Variants in SETD2 observed in about 807,000 individuals in gnomAD.
The protein encoded by SETD2 is SET domain containing 2, histone lysine methyltransferase.
In SETD2, 31 loss-of-function variants were observed where a neutral mutation model predicts 242.1. The ratio of observed to expected loss-of-function variants is 0.13; its 90% CI spans 0.10 to 0.17. The LOEUF is 0.17. SETD2 is among the 10% of genes least tolerant of loss of function. SETD2 has a pLI of 1.00. For synonymous variants in SETD2, 1,006 were observed against 1,066.5 expected, an observed-to-expected ratio of 0.94 and a Z score of 1.11; for missense variants, 2,481 against 3,046.3, an observed-to-expected ratio of 0.81 and a Z score of 4.37.
intron 12 of SETD2, among the ~76,000 whole-genome samples, chr3:47,074,855 G>A (rs2040981661): frequency 6.6e-6 from 1 of 152,158 alleles, no homozygotes; most frequent in Non-Finnish European, 1.5e-5. Context: ...TCTGCAGTAG[G>A]CCGGGAACGG....
chr3:47,155,402 G>T (rs1461463544), intron 1 of SETD2, among the ~76,000 whole-genome samples: 1 of 152,126 alleles, frequency 6.6e-6, no homozygotes, highest in African/African-American at 2.4e-5. Flanking sequence ...AATATAGAAA[G>T]GTAATACAAA....
chr3:47,153,587 C>CA (rs962851525), intron 1 of SETD2, among the ~76,000 whole-genome samples: 11 of 151,728 alleles, frequency 7.2e-5, no homozygotes, highest in African/African-American at 2.4e-4. Context: ...CCTATCTCTA[C>CA]AAAAAAAATT....
At chr3:47,072,908 C>T (rs1393766923) in intron 12 of SETD2, among the ~76,000 whole-genome samples, 2 of 149,064 alleles carry the variant, frequency 1.3e-5, no homozygotes, top group Non-Finnish European at 3.0e-5. Context: ...GATCTTGCCA[C>T]TGCACTCCAG....
At chr3:47,040,383 T>C (rs2039224670) in intron 17 of SETD2, among the ~76,000 whole-genome samples, 1 of 152,024 alleles carries the variant, frequency 6.6e-6, no homozygotes, top group Admixed American at 6.6e-5. Flanking sequence ...GAAACAAAAC[T>C]CTTGATAAAG....
intron 1 of SETD2, among the ~76,000 whole-genome samples, chr3:47,160,498 C>A (rs1874265): frequency 2.2e-4 from 33 of 150,394 alleles, no homozygotes; most frequent in African/African-American, 7.4e-4. Flanking sequence ...TTAGTAGAGA[C>A]GAGGTTTCAC....
intron 3 of SETD2, chr3:47,119,712 C>CAGCATGAAGAAAGA (rs1308641917): frequency 2.3e-6 from 1 of 428,592 alleles, no homozygotes; most frequent in Non-Finnish European, 4.8e-6. Context: ...TCTTTTTCTT[C>CAGCATGAAGAAAGA]CCAGTCTCGG....
intron 5 of SETD2, among the ~76,000 whole-genome samples, chr3:47,107,726 GGGGT>G (rs1160492457): frequency 1.3e-3 from 29 of 21,570 alleles, no homozygotes; most frequent in African/African-American, 3.8e-3. Flanking sequence ...GTGGCGGGGG[GGGGT>G]GGGGGGGGGG....
chr3:47,106,657 CA>C (rs2042437039), intron 5 of SETD2, among the ~76,000 whole-genome samples: 1 of 150,838 alleles, frequency 6.6e-6, no homozygotes, highest in South Asian at 2.1e-4. Context: ...ACTAAAAATA[CA>C]AAAATTAGCC....
intron 5 of SETD2, among the ~76,000 whole-genome samples, chr3:47,107,719 GC>G (rs1159792800): frequency 5.5e-5 from 4 of 72,936 alleles, no homozygotes; most frequent in East Asian, 1.0e-3. Context: ...ACTTTGGGTG[GC>G]GGGGGGGGGT....
At chr3:47,130,708 G>T (rs2043456412) in intron 1 of SETD2, among the ~76,000 whole-genome samples, 1 of 151,908 alleles carries the variant, frequency 6.6e-6, no homozygotes, top group South Asian at 2.1e-4. Flanking sequence ...GTGAAAACAA[G>T]TATTTAACTC....
At chr3:47,075,590 A>T (rs2041036907) in intron 12 of SETD2, among the ~76,000 whole-genome samples, 1 of 144,098 alleles carries the variant, frequency 6.9e-6, no homozygotes, top group Non-Finnish European at 1.5e-5. Context: ...AAAAAAAAAG[A>T]AGAATCTAAA....
At position 47,056,844 on chromosome 3, in the gene SETD2, G is replaced by T. The variant is rs1269929027; in HGVS notation, c.6940C>A (p.Gln2314Lys). 2.5e-6 allele frequency: 4 copies of T among 1,613,656 alleles called. No homozygotes were observed. In the African/African-American group the frequency reaches 5.3e-5, roughly 22 times the overall value. The change falls in exon 15 of 21, where the codon CAG becomes AAG. Residue 2314 changes from glutamine (Q) to lysine (K), a missense_variant. By Grantham distance (53) the Gln-to-Lys change is moderately conservative. Transcript: ENST00000409792. The stretch of plus-strand genomic sequence containing the variant: ...ACCTGTACAATTGGTGGAGTTGTCT[G>T]TGAATAAGGTGATGTCACACCATAG... ...TVYGVTSPYS[Q>K]TTPPIVQSYA... is the part of the protein sequence containing the mutation.
intron 1 of SETD2, among the ~76,000 whole-genome samples, chr3:47,157,944 T>C (rs926163230): frequency 5.9e-5 from 9 of 152,010 alleles, no homozygotes; most frequent in Non-Finnish European, 1.3e-4. Flanking sequence ...ATAAAACCCT[T>C]TGCAGATGAT....
At chr3:47,116,560 T>C in intron 4 of SETD2, 63 bp downstream of exon 4, 1 of 1,508,110 alleles carries the variant, frequency 6.6e-7, no homozygotes, top group Non-Finnish European at 9.0e-7. Context: ...TCATTGATAA[T>C]TCAATATTTA....
intron 1 of SETD2, among the ~76,000 whole-genome samples, chr3:47,141,359 T>C (rs1008743805): frequency 6.6e-6 from 1 of 152,176 alleles, no homozygotes; most frequent in Non-Finnish European, 1.5e-5. Flanking sequence ...TAAGTACTTA[T>C]GTCAGCCTTC....
At position 47,057,206 on chromosome 3, in the gene SETD2, C is replaced by T. The variant is rs199893441; in HGVS notation, c.6578G>A (p.Ser2193Asn). 4 of 1,614,234 alleles carry T rather than the reference C, an allele frequency of 2.5e-6. No individual in the cohort carries two copies. The East Asian group carries it at 6.7e-5, about 27-fold the overall frequency. The change falls in exon 15 of 21, where the codon AGC becomes AAC. Residue 2193 changes from serine to asparagine, a missense_variant. This residue lies in a region of SETD2 where 235 missense variants were observed against 293.9 expected (regional missense o/e 0.80). Coordinates refer to ENST00000409792, the MANE Select transcript of SETD2 (RefSeq NM_014159.7). ...AGCAGGAGAACACACTGGGTCCATG[C>T]TGGGTGTGGGCAGGAGCACCTTTCC... The part of the protein sequence containing the change: ...NAGKVLLPTP[S>N]MDPVCSPAPY...
chr3:47,078,873 G>A (rs1308502764), intron 12 of SETD2, among the ~76,000 whole-genome samples: 1 of 151,934 alleles, frequency 6.6e-6, no homozygotes, highest in African/African-American at 2.4e-5. Context: ...TGGGACTACA[G>A]GCATGTGCCA....
intron 1 of SETD2, among the ~76,000 whole-genome samples, chr3:47,155,977 C>T (rs1193074552): frequency 1.3e-5 from 2 of 151,952 alleles, no homozygotes; most frequent in African/African-American, 2.4e-5. Flanking sequence ...AAGTACTCTA[C>T]GGTACTCTTG....
At chr3:47,069,100 T>C (rs1452595271) in intron 12 of SETD2, among the ~76,000 whole-genome samples, 1 of 152,168 alleles carries the variant, frequency 6.6e-6, no homozygotes, top group African/African-American at 2.4e-5. Context: ...GCCCTTCAAA[T>C]ACATTATCTT....
Sources: gnomAD v4.1 joint callset for allele counts (sites outside exome capture counted in the v4.1 genomes callset) on GRCh38, gnomAD v4.1.1 for gene constraint, gnomAD v4.1.1 regional missense constraint, MANE v1.5 for transcripts, NCBI Gene and HGNC (gene_info 2026-07-23, HGNC 2026-07-21) for gene names.